ENKUR: variants seen among roughly 807,000 people sequenced by gnomAD.
ENKUR encodes the protein enkurin.
ENKUR carries 19 observed loss-of-function variants against 27.6 expected under a neutral mutation model. That is an observed-to-expected ratio of 0.69 (90% CI 0.48 to 1.01). The LOEUF (loss-of-function observed/expected upper bound fraction) is 1.01. Ranked by LOEUF, ENKUR falls within the 50% of genes least tolerant of loss-of-function variation. ENKUR has a pLI of 0.00. For missense variants in ENKUR, 312 were observed against 310.5 expected (o/e 1.00, Z -0.04); for synonymous variants, 117 against 96.9 (o/e 1.21, Z -1.22).
intron 1 of ENKUR, among the ~76,000 whole-genome samples, chr10:25,002,701 T>C (rs190343606): frequency 6.6e-6 from 1 of 152,342 alleles, no homozygotes; most frequent in East Asian, 1.9e-4. Flanking sequence ...CTTCCTTATG[T>C]AGATAAATTT....
intron 2 of ENKUR, among the ~76,000 whole-genome samples, chr10:25,051,207 T>C (rs755506597): frequency 6.6e-6 from 1 of 152,236 alleles, no homozygotes; most frequent in Non-Finnish European, 1.5e-5. Flanking sequence ...TCCTGAAATA[T>C]AGCTCCTCTT....
chr10:25,061,237 A>G, exon 2 of ENKUR: 1 of 1,208,922 alleles, frequency 8.3e-7, no homozygotes, highest in East Asian at 2.5e-5. Flanking sequence ...CCTGGTTTGC[A>G]GCTATATGGT....
At chr10:25,044,544 G>A (rs1048877978) in intron 2 of ENKUR, among the ~76,000 whole-genome samples, 1 of 152,092 alleles carries the variant, frequency 6.6e-6, no homozygotes, top group East Asian at 1.9e-4. Flanking sequence ...CTACAGGCAC[G>A]TGTCACCATG....
chr10:25,018,191 T>A (rs756796812), upstream of ENKUR, among the ~76,000 whole-genome samples: 1 of 152,252 alleles, frequency 6.6e-6, no homozygotes, highest in Non-Finnish European at 1.5e-5. Context: ...AGCAGGTTGT[T>A]AAATCATTTG....
chr10:25,037,713 A>G (rs529218339), intron 2 of ENKUR, among the ~76,000 whole-genome samples: 1 of 152,178 alleles, frequency 6.6e-6, no homozygotes, highest in South Asian at 2.1e-4. Context: ...ATGACCTCCT[A>G]GATGACCTCC....
At chr10:25,021,847 A>G (rs546719165) in intron 2 of ENKUR, 3 of 152,328 alleles carry the variant, frequency 2.0e-5, no homozygotes, top group South Asian at 2.1e-4. Flanking sequence ...AGCACAACAC[A>G]TATAAATTGA....
chr10:24,996,108 G>A (rs998436464), intron 2 of ENKUR, among the ~76,000 whole-genome samples: 1 of 152,140 alleles, frequency 6.6e-6, no homozygotes, highest in Non-Finnish European at 1.5e-5. Context: ...AAGAAAAAAA[G>A]TCAGTAATTA....
chr10:25,020,050 T>G (rs1319387565), upstream of ENKUR, among the ~76,000 whole-genome samples: 1 of 152,094 alleles, frequency 6.6e-6, no homozygotes, highest in Non-Finnish European at 1.5e-5. Flanking sequence ...GCCCCTAAAA[T>G]CAATTTGTGG....
At chr10:24,991,630 A>C (rs1849931648) in intron 3 of ENKUR, among the ~76,000 whole-genome samples, 1 of 151,994 alleles carries the variant, frequency 6.6e-6, no homozygotes, top group Non-Finnish European at 1.5e-5. Flanking sequence ...CCAGGGAAAA[A>C]CCATCTCCCT....
chr10:24,999,480 A>T lies in ENKUR; in HGVS notation c.144T>A (p.Thr48=), dbSNP rs767399301. 3.1e-6 allele frequency: 5 copies of T among 1,613,296 alleles called. No individual in the cohort carries two copies. The highest frequency in any genetic ancestry group is 4.2e-6 in the Non-Finnish European group (5 of 1,179,660). ...GTACTTCAACTTTTGCTGGTCCCATAGTTTTCATTGCAGTTTTAGCTTTTT... is the reference window on the plus strand; with the variant it reads ...GTACTTCAACTTTTGCTGGTCCCATTGTTTTCATTGCAGTTTTAGCTTTTT... ...DMQKAKTAMK[T]MGPAKVEVPS... The change falls in exon 2 of 6, where the codon ACT becomes ACA. Residue 48 remains threonine (T), a synonymous_variant. Transcript: ENST00000331161.
chr10:25,007,115 A>G (rs2132711125), intron 1 of ENKUR, among the ~76,000 whole-genome samples: 1 of 152,278 alleles, frequency 6.6e-6, no homozygotes, highest in Middle Eastern at 3.4e-3. Context: ...TTCTGTAAAA[A>G]TTTGAGTCAT....
chr10:25,014,661 T>A (rs1441093773), intron 1 of ENKUR, among the ~76,000 whole-genome samples: 4 of 152,328 alleles, frequency 2.6e-5, no homozygotes, highest in African/African-American at 9.6e-5. Flanking sequence ...TTATCTCATG[T>A]AATATGCAGG....
intron 2 of ENKUR, among the ~76,000 whole-genome samples, chr10:25,038,459 C>G (rs1270476829): frequency 6.6e-6 from 1 of 152,238 alleles, no homozygotes; most frequent in African/African-American, 2.4e-5. Context: ...ATTATAGTGA[C>G]AGCAAGCATC....
chr10:24,988,592 C>G (rs1849844344), intron 4 of ENKUR, among the ~76,000 whole-genome samples: 1 of 144,388 alleles, frequency 6.9e-6, no homozygotes, highest in African/African-American at 2.5e-5. Flanking sequence ...TCATAAGGTT[C>G]CAATGCACTA....
intron 2 of ENKUR, among the ~76,000 whole-genome samples, chr10:25,046,271 C>T (rs910014438): frequency 1.3e-5 from 2 of 152,108 alleles, no homozygotes; most frequent in East Asian, 1.9e-4. Flanking sequence ...TTAAATGCTA[C>T]GTTCTATCAA....
intron 1 of ENKUR, among the ~76,000 whole-genome samples, chr10:25,061,538 G>C (rs370294095): frequency 6.6e-6 from 1 of 152,274 alleles, no homozygotes; most frequent in South Asian, 2.1e-4. Flanking sequence ...ACAAGCTTTG[G>C]GTGACTTTTC....
At chr10:25,022,453 A>G (rs1850740544) in intron 2 of ENKUR, among the ~76,000 whole-genome samples, 1 of 152,180 alleles carries the variant, frequency 6.6e-6, no homozygotes, top group Non-Finnish European at 1.5e-5. Flanking sequence ...AATTTTTCTT[A>G]ACTATTTGTA....
At chr10:25,019,660 C>T (rs1850678707), upstream of ENKUR, among the ~76,000 whole-genome samples, 1 of 152,162 alleles carries the variant, frequency 6.6e-6, no homozygotes, top group African/African-American at 2.4e-5. Flanking sequence ...ATATAAAGGA[C>T]TTGCACATCT....
At chr10:25,017,059 C>T (rs1401800779), upstream of ENKUR, among the ~76,000 whole-genome samples, 2 of 152,166 alleles carry the variant, frequency 1.3e-5, no homozygotes, top group Non-Finnish European at 2.9e-5. Context: ...TTGGGCGGTC[C>T]TCCGGGTCGG....
Sources: gnomAD v4.1 joint callset for allele counts (sites outside exome capture counted in the v4.1 genomes callset) on GRCh38, gnomAD v4.1.1 for gene constraint, MANE v1.5 for transcripts, NCBI Gene and HGNC (gene_info 2026-07-23, HGNC 2026-07-21) for gene names.